PLPPR1: variants seen among roughly 807,000 people sequenced by gnomAD.
PLPPR1 encodes the protein phospholipid phosphatase-related protein type 1.
Under a neutral mutation model 33.1 loss-of-function variants are expected in PLPPR1, and 10 were observed. The observed-to-expected ratio is 0.30, with a 90% CI of 0.19 to 0.51. The LOEUF (loss-of-function observed/expected upper bound fraction) is 0.51. Ranked by LOEUF, PLPPR1 falls within the 20% of genes least tolerant of loss-of-function variation. PLPPR1 has a pLI of 0.97. For synonymous variants in PLPPR1, 151 were observed against 151.0 expected, an observed-to-expected ratio of 1.00 and a Z score of 0.00; for missense variants, 304 against 408.1, an observed-to-expected ratio of 0.74 and a Z score of 2.20.
intron 2 of PLPPR1, among the ~76,000 whole-genome samples, chr9:101,196,087 CT>C (rs1826388660): frequency 6.6e-6 from 1 of 152,136 alleles, no homozygotes; most frequent in Non-Finnish European, 1.5e-5. Flanking sequence ...GAATTAATCC[CT>C]CTTTGAATAT....
At chr9:101,241,828 A>T (rs1037592382) in intron 2 of PLPPR1, among the ~76,000 whole-genome samples, 1 of 152,084 alleles carries the variant, frequency 6.6e-6, no homozygotes, top group Non-Finnish European at 1.5e-5. Context: ...ATCGTTACCA[A>T]ATCAATCAAT....
chr9:101,298,966 G>C (rs920768365), intron 4 of PLPPR1, among the ~76,000 whole-genome samples: 7 of 152,194 alleles, frequency 4.6e-5, no homozygotes, highest in Non-Finnish European at 7.3e-5. Flanking sequence ...GATGATCCCA[G>C]GGAAACAGAT....
rs191661898 is a variant in PLPPR1 at position 101,116,985 on chromosome 9, C to A, written c.-45-68465C>A. ...TTCTCTCTACCCTGAATATAAAAGA[C>A]CTTCATAGTTAGGCAGGGATATCAT... On this transcript the variant is annotated intron_variant, in intron 1 of 7. Coordinates refer to ENST00000374874, the MANE Select transcript of PLPPR1 (RefSeq NM_207299.2). Among the ~76,000 whole-genome samples, 358 of 152,096 alleles carry A rather than the reference C, an allele frequency of 2.4e-3. 11 individuals are homozygous for A. The highest frequency in any genetic ancestry group is 0.016 in the Admixed American group (240 of 15,282).
At chr9:101,309,040 G>T (rs1828906484) in intron 4 of PLPPR1, among the ~76,000 whole-genome samples, 171 bp from the exon 5 acceptor site, 1 of 152,098 alleles carries the variant, frequency 6.6e-6, no homozygotes, top group Non-Finnish European at 1.5e-5. Flanking sequence ...ACATCAATTT[G>T]GAAGAAATGG....
chr9:101,211,906 C>G lies in PLPPR1; in HGVS notation c.63+26349C>G, dbSNP rs10989430. On this transcript the variant is annotated intron_variant, in intron 2 of 7. Coordinates refer to ENST00000374874, the MANE Select transcript of PLPPR1 (RefSeq NM_207299.2). ...TATGAAATGGATATTATTACCACCT[C>G]CACTTTACATACAAGGAAACAAATA... Among the ~76,000 whole-genome samples, 674 of 152,288 alleles carry G rather than the reference C, an allele frequency of 4.4e-3. 3 individuals are homozygous for G. The highest frequency in any genetic ancestry group is 0.016 in the African/African-American group (654 of 41,558).
At chr9:101,075,011 A>G (rs1388611225) in intron 1 of PLPPR1, among the ~76,000 whole-genome samples, 1 of 152,178 alleles carries the variant, frequency 6.6e-6, no homozygotes, top group Non-Finnish European at 1.5e-5. Context: ...CTAAAAATAA[A>G]TTTTCATGGA....
chr9:101,124,551 T>C (rs1831221191), intron 1 of PLPPR1, among the ~76,000 whole-genome samples: 1 of 152,180 alleles, frequency 6.6e-6, no homozygotes. Flanking sequence ...TTAGTAAATC[T>C]AATGAAACAG....
chr9:101,212,386 T>C (rs534231905), intron 2 of PLPPR1, among the ~76,000 whole-genome samples: 2 of 152,254 alleles, frequency 1.3e-5, no homozygotes, highest in South Asian at 4.1e-4. Flanking sequence ...CCCGGCCACA[T>C]CTTTTGCTCT....
rs748022592 is a variant in PLPPR1 at position 101,312,920 on chromosome 9, C to T, written c.759C>T (p.His253=). 1.2e-6 allele frequency: 2 copies of T among 1,614,214 alleles called. No homozygotes were observed. The highest frequency in any genetic ancestry group is 2.2e-5 in the South Asian group (2 of 91,086). The change falls in exon 6 of 8, where the codon CAC becomes CAT. Residue 253 remains histidine, a synonymous_variant. Coordinates refer to ENST00000374874, the MANE Select transcript of PLPPR1 (RefSeq NM_207299.2). The stretch of plus-strand genomic sequence containing the variant: ...ACCGGGTCTCTGAGTATCGGAACCA[C>T]TGCTCGGACGTGATTGCTGGTTTCA... ...GLNRVSEYRN[H]CSDVIAGFIL... is the part of the protein sequence containing the mutation.
At chr9:101,280,041 CAGTT>C (rs549179620) in intron 3 of PLPPR1, among the ~76,000 whole-genome samples, 40 of 152,040 alleles carry the variant, frequency 2.6e-4, no homozygotes, top group East Asian at 1.2e-3. Context: ...AACTGACAAA[CAGTT>C]AGCCAGACCA....
chr9:101,132,792 C>G (rs771902551), intron 1 of PLPPR1, among the ~76,000 whole-genome samples: 2 of 152,130 alleles, frequency 1.3e-5, no homozygotes, highest in Non-Finnish European at 2.9e-5. Flanking sequence ...AAACCTTCCT[C>G]CCAATTTTGC....
chr9:101,189,740 C>T (rs560101579), intron 2 of PLPPR1, among the ~76,000 whole-genome samples: 1 of 152,112 alleles, frequency 6.6e-6, no homozygotes, highest in East Asian at 1.9e-4. Context: ...TCTCTTAGCC[C>T]ATCTCGTTGC....
At chr9:101,183,559 T>G (rs1826154277) in intron 1 of PLPPR1, among the ~76,000 whole-genome samples, 1 of 151,648 alleles carries the variant, frequency 6.6e-6, no homozygotes, top group African/African-American at 2.4e-5. Flanking sequence ...TAGGGGTGAT[T>G]AAAAAGTTCT....
At chr9:101,256,124 AAAC>A (rs1488399857) in intron 2 of PLPPR1, among the ~76,000 whole-genome samples, 9 of 152,282 alleles carry the variant, frequency 5.9e-5, no homozygotes, top group East Asian at 1.9e-4. Context: ...CTTCCTTAAA[AAAC>A]AACAACAGCA....
At chr9:101,307,358 C>A (rs1228612846) in intron 4 of PLPPR1, among the ~76,000 whole-genome samples, 1 of 152,182 alleles carries the variant, frequency 6.6e-6, no homozygotes, top group East Asian at 1.9e-4. Context: ...TTTTTCAGAT[C>A]GTAAATCACC....
intron 1 of PLPPR1, among the ~76,000 whole-genome samples, chr9:101,165,936 G>A (rs986686677): frequency 8.5e-5 from 13 of 152,152 alleles, no homozygotes; most frequent in African/African-American, 3.1e-4. Context: ...CTTTTGTCTA[G>A]ATGATCATAG....
chr9:101,237,441 G>A (rs1827324722), intron 2 of PLPPR1, among the ~76,000 whole-genome samples: 1 of 144,664 alleles, frequency 6.9e-6, no homozygotes, highest in Admixed American at 6.7e-5. Context: ...TCAACTGATT[G>A]AATAAAGAAA....
At chr9:101,052,140 G>T (rs934293324) in intron 1 of PLPPR1, among the ~76,000 whole-genome samples, 1 of 152,032 alleles carries the variant, frequency 6.6e-6, no homozygotes. Context: ...TTATGGTAAG[G>T]ATTAATAACA....
In PLPPR1 at chr9:101,110,180, T is replaced by G. The variant is rs190299700; in HGVS notation, c.-45-75270T>G. ...GCAGGAACAAGAATTTCACCAGGCT[T>G]CAGAATTCATATGATGATTCAACAG... is the stretch of plus-strand genomic sequence containing the variant. On this transcript the variant is annotated intron_variant, in intron 1 of 7. Coordinates refer to ENST00000374874, the MANE Select transcript of PLPPR1 (RefSeq NM_207299.2). Among the ~76,000 whole-genome samples the G allele has an allele frequency of 7.9e-5, 12 of 152,334 alleles. No individual in the cohort carries two copies. In the East Asian group the frequency reaches 2.3e-3, roughly 29 times the overall value.
Sources: allele counts gnomAD v4.1 joint callset (sites outside exome capture counted in the v4.1 genomes callset), GRCh38; gene constraint gnomAD v4.1.1; transcripts MANE v1.5; gene names NCBI Gene and HGNC (gene_info 2026-07-23, HGNC 2026-07-21).